VWC2: variants seen among roughly 807,000 people sequenced by gnomAD.
VWC2 encodes the protein von Willebrand factor C domain containing 2.
In VWC2, 14 loss-of-function variants were observed where a neutral mutation model predicts 29.8. The observed-to-expected ratio is 0.47, with a 90% CI of 0.31 to 0.74. VWC2 has a LOEUF of 0.74. VWC2 is among the 30% of genes least tolerant of loss of function. VWC2 has a pLI of 0.05. For missense variants in VWC2, 457 were observed against 459.8 expected (o/e 0.99, Z 0.05); for synonymous variants, 213 against 199.0 (o/e 1.07, Z -0.59).
intron 3 of VWC2, among the ~76,000 whole-genome samples, chr7:49,824,384 A>C (rs1033876178): frequency 6.6e-6 from 1 of 152,220 alleles, no homozygotes; most frequent in Non-Finnish European, 1.5e-5. Flanking sequence ...AAATCAATTC[A>C]CCATATGTGG....
At chr7:49,896,594 AC>A (rs1313830738) in intron 3 of VWC2, among the ~76,000 whole-genome samples, 1 of 152,212 alleles carries the variant, frequency 6.6e-6, no homozygotes, top group Non-Finnish European at 1.5e-5. Flanking sequence ...AATCAATGAA[AC>A]CAAAAACTGG....
At position 49,815,717 on chromosome 7, in the gene VWC2, T is replaced by G. The variant is rs144673906; in HGVS notation, c.826+12877T>G. Among the ~76,000 whole-genome samples, 552 of 152,326 alleles carry G rather than the reference T, an allele frequency of 3.6e-3. 2 individuals are homozygous for G. The highest frequency in any genetic ancestry group is 0.013 in the African/African-American group (538 of 41,570). On this transcript the variant is annotated intron_variant, in intron 3 of 3. Transcript: ENST00000340652. ...AATGGAGTATTATACAGTAAAACTTTGGTCAAGTAACTTGATTTCTCTGTA... is the reference window on the plus strand; with the variant it reads ...AATGGAGTATTATACAGTAAAACTTGGGTCAAGTAACTTGATTTCTCTGTA...
chr7:49,892,981 C>A (rs1471131515), intron 3 of VWC2, among the ~76,000 whole-genome samples: 3 of 152,104 alleles, frequency 2.0e-5, no homozygotes, highest in Non-Finnish European at 4.4e-5. Context: ...TGAAGCCTGT[C>A]CCCAATTTAT....
intron 3 of VWC2, among the ~76,000 whole-genome samples, chr7:49,833,730 G>C (rs546256396): frequency 1.3e-5 from 2 of 152,096 alleles, no homozygotes; most frequent in African/African-American, 4.8e-5. Flanking sequence ...ATTGCTGCAG[G>C]GAATCAACCC....
At chr7:49,865,970 G>A (rs1396992729) in intron 3 of VWC2, among the ~76,000 whole-genome samples, 1 of 152,090 alleles carries the variant, frequency 6.6e-6, no homozygotes, top group Non-Finnish European at 1.5e-5. Flanking sequence ...AAATTGCTTA[G>A]GTTTTAATAA....
At chr7:49,877,032 C>A (rs777094693) in intron 3 of VWC2, among the ~76,000 whole-genome samples, 7 of 152,068 alleles carry the variant, frequency 4.6e-5, no homozygotes, top group African/African-American at 1.7e-4. Context: ...TCTACTTGAC[C>A]GTCAGTCTCC....
At chr7:49,822,201 A>T (rs1316087719) in intron 3 of VWC2, among the ~76,000 whole-genome samples, 2 of 152,204 alleles carry the variant, frequency 1.3e-5, no homozygotes, top group Non-Finnish European at 2.9e-5. Context: ...GAAGTAAAAA[A>T]AAAACTCTAG....
chr7:49,822,301 A>C (rs1340436641), intron 3 of VWC2, among the ~76,000 whole-genome samples: 1 of 152,206 alleles, frequency 6.6e-6, no homozygotes, highest in Non-Finnish European at 1.5e-5. Flanking sequence ...TTCTTTTATA[A>C]ATCATGCTTA....
intron 3 of VWC2, among the ~76,000 whole-genome samples, chr7:49,896,746 T>C (rs1042864960): frequency 2.7e-5 from 4 of 150,250 alleles, no homozygotes; most frequent in African/African-American, 9.7e-5. Context: ...AATGAAGGAA[T>C]ATTATCAGCG....
chr7:49,789,039 TGTGTGA>T (rs372491810), intron 2 of VWC2, among the ~76,000 whole-genome samples: 10,250 of 147,426 alleles, frequency 0.07, 1,080 homozygotes, highest in African/African-American at 0.23. Context: ...TGTGGGTGCA[TGTGTGA>T]GTGTGGGTGT....
chr7:49,901,985 T>C (rs1230533953), intron 3 of VWC2, among the ~76,000 whole-genome samples: 1 of 146,524 alleles, frequency 6.8e-6, no homozygotes, highest in Non-Finnish European at 1.5e-5. Flanking sequence ...AGCATCCACA[T>C]GTGAAAAAAT....
rs371704505 is a variant in VWC2, at chr7:49,821,585, A to G, written c.826+18745A>G. On this transcript the variant is annotated intron_variant, in intron 3 of 3. Coordinates refer to ENST00000340652, the MANE Select transcript of VWC2 (RefSeq NM_198570.5). The stretch of plus-strand genomic sequence containing the variant: ...CATTAAATAATGTCAGTTTTATATC[A>G]GTGTCTTACATGCTTCAAGTAGAAA... Among the ~76,000 whole-genome samples, 8 of 152,280 alleles carry G rather than the reference A, an allele frequency of 5.3e-5. No individual in the cohort carries two copies. The East Asian group carries it at 1.5e-3, about 29-fold the overall frequency.
chr7:49,906,398 C>T (rs940722955), intron 3 of VWC2, among the ~76,000 whole-genome samples: 15 of 152,010 alleles, frequency 9.9e-5, no homozygotes, highest in Admixed American at 3.3e-4. Flanking sequence ...GCAGTGGCGG[C>T]GACCTCAGCT....
At chr7:49,852,369 G>A (rs1426508199) in intron 3 of VWC2, among the ~76,000 whole-genome samples, 1 of 152,228 alleles carries the variant, frequency 6.6e-6, no homozygotes, top group Non-Finnish European at 1.5e-5. Context: ...GCAGGCATGA[G>A]CTGGTGGTTG....
In VWC2 at chr7:49,775,465, C is replaced by A. The variant is rs1428161498; in HGVS notation, c.30C>A (p.Gly10=). MPSSTAMAV[G]ALSSSLLVTC... ...CCAGCTCCACTGCGATGGCAGTTGGCGCGCTCTCCAGTTCCCTCCTGGTCA... is the reference window on the plus strand; with the variant it reads ...CCAGCTCCACTGCGATGGCAGTTGGAGCGCTCTCCAGTTCCCTCCTGGTCA... Residue 10 remains glycine (G), a synonymous_variant, in exon 2 of 4, where the codon GGC becomes GGA. Transcript: ENST00000340652. 3.6e-6 allele frequency: 5 copies of A among 1,393,798 alleles called. No homozygotes were observed. Among genetic ancestry groups the A allele is most frequent in the Admixed American group, 2.4e-5 (1 of 42,066 alleles). 86.3% of individuals were successfully genotyped at this position (1,393,798 alleles called of 1,614,324 possible). A position where few individuals can be genotyped will look rare whatever the true frequency, so the allele number is the denominator to read the frequency against.
Position 49,859,154 on chromosome 7 carries a change from C to T in VWC2, c.827-52880C>T, listed in dbSNP as rs1790546860. ...TGGGGCATGTGTGTCTTCAACGTTA[C>T]TCAGCAATACCAAAATTATAATACC... is the stretch of plus-strand genomic sequence containing the variant. On this transcript the variant is annotated intron_variant, in intron 3 of 3. Coordinates refer to ENST00000340652, the MANE Select transcript of VWC2 (RefSeq NM_198570.5). Among the ~76,000 whole-genome samples, 5 of 152,180 alleles carry T rather than the reference C, an allele frequency of 3.3e-5. No individual in the cohort carries two copies. In the South Asian group the frequency reaches 1.0e-3, roughly 31 times the overall value.
chr7:49,886,751 C>T (rs963621342), intron 3 of VWC2, among the ~76,000 whole-genome samples: 8 of 152,146 alleles, frequency 5.3e-5, no homozygotes, highest in Non-Finnish European at 7.3e-5. Flanking sequence ...ATTAATCTTT[C>T]GATTCAGCCT....
At chr7:49,867,623 G>A (rs574932667) in intron 3 of VWC2, among the ~76,000 whole-genome samples, 2 of 152,138 alleles carry the variant, frequency 1.3e-5, no homozygotes, top group Non-Finnish European at 2.9e-5. Context: ...AGACATCTGA[G>A]GCATTCACCC....
intron 3 of VWC2, among the ~76,000 whole-genome samples, chr7:49,876,649 G>GT (rs1791425696): frequency 6.6e-6 from 1 of 152,086 alleles, no homozygotes; most frequent in African/African-American, 2.4e-5. Context: ...TTGCCTTGTT[G>GT]TTTTTTAGAA....
Sources: allele counts gnomAD v4.1 joint callset (sites outside exome capture counted in the v4.1 genomes callset), GRCh38; gene constraint gnomAD v4.1.1; transcripts MANE v1.5; gene names NCBI Gene and HGNC (gene_info 2026-07-23, HGNC 2026-07-21).